The following ZNF730 variants were observed in gnomAD, a reference collection of about 807,000 sequenced individuals.
ZNF730 encodes the protein zinc finger protein 730.
ZNF730 carries 12 observed loss-of-function variants against 12.6 expected under a neutral mutation model. That is an observed-to-expected ratio of 0.95 (90% CI 0.61 to 1.54). The LOEUF (loss-of-function observed/expected upper bound fraction) is 1.54, where lower values mean the gene tolerates loss of function less well. ZNF730 is among the 40% of genes most tolerant of loss of function. The pLI is 0.00. For synonymous variants in ZNF730, 194 were observed against 195.8 expected (o/e 0.99, Z 0.08); for missense variants, 643 against 583.5 (o/e 1.10, Z -1.05).
At chr19:23,093,771 A>G (rs1300328131) in intron 1 of ZNF730, among the ~76,000 whole-genome samples, 4 of 151,888 alleles carry the variant, frequency 2.6e-5, no homozygotes. Flanking sequence ...TCCTCTTTCC[A>G]CCACCTACGG....
intron 1 of ZNF730, among the ~76,000 whole-genome samples, chr19:23,120,580 T>C (rs534611791): frequency 8.5e-5 from 13 of 152,218 alleles, no homozygotes; most frequent in African/African-American, 2.4e-4. Flanking sequence ...ATCTTATTAG[T>C]GGTTTATTAA....
upstream of ZNF730, among the ~76,000 whole-genome samples, chr19:23,112,546 AC>A (rs1435539445): frequency 6.6e-6 from 1 of 152,014 alleles, no homozygotes; most frequent in African/African-American, 2.4e-5. Flanking sequence ...ACATAGTGAA[AC>A]CCCATCTCTA....
intron 1 of ZNF730, among the ~76,000 whole-genome samples, chr19:23,092,294 T>A (rs1970172197): frequency 1.3e-5 from 2 of 152,078 alleles, no homozygotes; most frequent in African/African-American, 4.8e-5. Flanking sequence ...GAAAACAGAT[T>A]AATATAAATG....
At position 23,102,763 on chromosome 19, in the gene ZNF730, T is replaced by C. The variant is rs142569469; in HGVS notation, c.-94+27376T>C. Among the ~76,000 whole-genome samples the C allele has an allele frequency of 9.0e-3, 1,371 of 152,254 alleles. 28 individuals are homozygous for C. The highest frequency in any genetic ancestry group is 0.032 in the African/African-American group (1,319 of 41,544). ...TGCCTGCCTCAGCCTCGCAAAGTTC[T>C]GGGATTACAGGCATGAGCCACCGTG... On this transcript the variant is annotated intron_variant, in intron 1 of 2. Coordinates refer to the ZNF730 transcript ENST00000593635.
intron 1 of ZNF730, among the ~76,000 whole-genome samples, chr19:23,097,315 A>G (rs1030931027): frequency 2.6e-5 from 4 of 152,116 alleles, no homozygotes; most frequent in Non-Finnish European, 4.4e-5. Context: ...ACATTGTGAC[A>G]TATCTCTGTG....
chr19:23,078,761 C>G (rs1003338545), intron 1 of ZNF730, among the ~76,000 whole-genome samples: 3 of 152,184 alleles, frequency 2.0e-5, no homozygotes, highest in Non-Finnish European at 4.4e-5. Context: ...CAGGCCACCC[C>G]TTCAGTCTGA....
chr19:23,077,640 T>G (rs1188161017), intron 1 of ZNF730, among the ~76,000 whole-genome samples: 1 of 151,694 alleles, frequency 6.6e-6, no homozygotes, highest in Non-Finnish European at 1.5e-5. Flanking sequence ...TAGGGCTTCA[T>G]CATGTTGGCC....
intron 1 of ZNF730, among the ~76,000 whole-genome samples, chr19:23,117,880 TAC>T (rs1189012768): frequency 1.3e-5 from 2 of 152,012 alleles, no homozygotes; most frequent in Non-Finnish European, 2.9e-5. Flanking sequence ...ACATTTGAGT[TAC>T]ATTTTTTTTT....
chr19:23,114,541 A>G (rs1346960262), upstream of ZNF730, among the ~76,000 whole-genome samples: 4 of 150,274 alleles, frequency 2.7e-5, no homozygotes, highest in African/African-American at 9.8e-5. Flanking sequence ...TTTAGTAGAG[A>G]CGGAGTTTCA....
chr19:23,127,364 T>G (rs1489658847), intron 1 of ZNF730: 5 of 719,028 alleles, frequency 7.0e-6, no homozygotes, highest in Non-Finnish European at 1.3e-5. Context: ...GAACACTTCA[T>G]GCATCACAAC....
At chr19:23,131,412 A>C (rs1262129135) in intron 1 of ZNF730, among the ~76,000 whole-genome samples, 1 of 152,282 alleles carries the variant, frequency 6.6e-6, no homozygotes, top group African/African-American at 2.4e-5. Context: ...GTAGTACCTG[A>C]ATAATAAACA....
At chr19:23,140,063 TTATG>T (rs1568317112) in intron 3 of ZNF730, among the ~76,000 whole-genome samples, 1 of 151,022 alleles carries the variant, frequency 6.6e-6, no homozygotes, top group Non-Finnish European at 1.5e-5. Context: ...CACAATCAGA[TTATG>T]TGTGTGTGTG....
At chr19:23,132,168 A>G (rs1970751644) in intron 1 of ZNF730, among the ~76,000 whole-genome samples, 1 of 151,438 alleles carries the variant, frequency 6.6e-6, no homozygotes, top group South Asian at 2.1e-4. Flanking sequence ...GTTTTTCTGT[A>G]TTGGTCCTTC....
At chr19:23,090,802 G>C (rs560955850) in intron 1 of ZNF730, among the ~76,000 whole-genome samples, 9 of 152,140 alleles carry the variant, frequency 5.9e-5, no homozygotes, top group African/African-American at 2.2e-4. Flanking sequence ...TTTGAGACCA[G>C]CCTGGCCAAT....
At chr19:23,128,428 A>C in intron 1 of ZNF730, 2 of 373,254 alleles carry the variant, frequency 5.4e-6, no homozygotes, top group South Asian at 3.0e-5. Context: ...AGTCTATGAG[A>C]AGAAGCCCAA....
At chr19:23,142,810 T>G (rs1970942985) in intron 3 of ZNF730, among the ~76,000 whole-genome samples, 1 of 151,776 alleles carries the variant, frequency 6.6e-6, no homozygotes, top group Admixed American at 6.6e-5. Context: ...TGCATTTTTG[T>G]CCCTCATTTT....
chr19:23,141,351 C>T (rs371905116), intron 3 of ZNF730, among the ~76,000 whole-genome samples: 9 of 151,458 alleles, frequency 5.9e-5, no homozygotes, highest in Non-Finnish European at 1.0e-4. Context: ...GGTGAGATCA[C>T]GCCACTGCAC....
rs563838617 is a variant in ZNF730 at position 23,133,622 on chromosome 19, A to G, written c.4-458A>G. On this transcript the variant is annotated intron_variant, in intron 1 of 3. Coordinates refer to ENST00000597761, the MANE Select transcript of ZNF730 (RefSeq NM_001277403.2). Reference sequence around the variant, plus strand: ...CTCCCAAAGTGCTGGGATTACAGGCATGAGCCACCGCACCAAGATCCAGAA... The same window carrying G: ...CTCCCAAAGTGCTGGGATTACAGGCGTGAGCCACCGCACCAAGATCCAGAA... Among the ~76,000 whole-genome samples, 4 of 152,298 alleles carry G rather than the reference A, an allele frequency of 2.6e-5. No homozygotes were observed. In the East Asian group the frequency reaches 7.7e-4, roughly 29 times the overall value.
intron 1 of ZNF730, among the ~76,000 whole-genome samples, chr19:23,080,053 C>A (rs1218383097): frequency 1.3e-5 from 2 of 151,996 alleles, no homozygotes; most frequent in African/African-American, 2.4e-5. Flanking sequence ...TCAAGCAATT[C>A]TCCTGCCTCA....
Sources: gnomAD v4.1 joint callset for allele counts (sites outside exome capture counted in the v4.1 genomes callset) on GRCh38, gnomAD v4.1.1 for gene constraint, MANE v1.5 for transcripts, NCBI Gene and HGNC (gene_info 2026-07-23, HGNC 2026-07-21) for gene names.